The following SLC12A9 variants were observed in gnomAD, a reference collection of about 807,000 sequenced individuals.
The protein encoded by SLC12A9 is solute carrier family 12 member 9.
A neutral mutation model predicts 66.0 loss-of-function variants in SLC12A9; 55 were observed. The observed-to-expected ratio is 0.83, with a 90% CI of 0.67 to 1.04. SLC12A9 has a LOEUF of 1.04. Among genes scored for constraint, SLC12A9 ranks in the 50% least tolerant of loss-of-function variants. SLC12A9 has a pLI of 0.00. For missense variants in SLC12A9, 1,061 were observed against 1,241.9 expected (o/e 0.85, Z 2.19); for synonymous variants, 577 against 569.0 (o/e 1.01, Z -0.20).
Position 100,861,658 on chromosome 7 carries a change from G to A in SLC12A9, c.1536+74G>A, listed in dbSNP as rs1814763316. On this transcript the variant is annotated intron_variant, in intron 11 of 13. Transcript: ENST00000354161. The surrounding 1 kb of genome is among the most constrained non-coding windows in gnomAD (Gnocchi z 5.3). ...CCCCCTCTCTCTTTGGCTGGAGTTG[G>A]TGCTCCCGTCCAGGAGGCGCTGAAC... is the stretch of plus-strand genomic sequence containing the variant. 6.2e-6 allele frequency: 10 copies of A among 1,608,064 alleles called. No homozygotes were observed. The South Asian group carries it at 8.8e-5, about 14-fold the overall frequency.
Position 100,862,804 on chromosome 7 carries a change from A to G in SLC12A9, c.1835A>G (p.His612Arg), listed in dbSNP as rs2116640202. Residue 612 changes from histidine to arginine, a missense_variant, in exon 13 of 14, where the codon CAT (histidine) becomes CGT (arginine). Physicochemically the swap from His to Arg is conservative, Grantham distance 29. Transcript: ENST00000354161. ...LSPSVRQGAQ[H>R]LLRISGLGGM... ...CCCTCCGTGCGCCAGGGGGCTCAGC[A>G]TCTGCTGCGAATCTCCGGCCTCGGT... 6.2e-7 allele frequency: 1 copy of G among 1,614,106 alleles called. No individual in the cohort carries two copies. Among genetic ancestry groups the G allele is most frequent in the Middle Eastern group, 1.7e-4 (1 of 6,060 alleles).
intron 1 of SLC12A9, among the ~76,000 whole-genome samples, chr7:100,840,461 GT>G (rs957384008): frequency 6.6e-6 from 1 of 152,136 alleles, no homozygotes; most frequent in African/African-American, 2.4e-5. Flanking sequence ...ACCCAGACCA[GT>G]TCCCGTACAT....
At chr7:100,832,372 C>T (rs889166485) in intron 1 of SLC12A9, among the ~76,000 whole-genome samples, 20 of 151,932 alleles carry the variant, frequency 1.3e-4, no homozygotes, top group African/African-American at 4.4e-4. Flanking sequence ...AATAGCTGGG[C>T]GTGGTGGCAT....
In SLC12A9 at chr7:100,859,171, G is replaced by A. The variant is rs749362643; in HGVS notation, c.977+10G>A. 3 of 1,612,278 alleles carry A rather than the reference G, an allele frequency of 1.9e-6. No homozygotes were observed. Among genetic ancestry groups the A allele is most frequent in the Non-Finnish European group, 2.5e-6 (3 of 1,178,594 alleles). On this transcript the variant is annotated intron_variant, in intron 7 of 13. Transcript: ENST00000354161. ...GCTTCACTTGTGACAGGTGTCTGGG[G>A]AGGGATGGGGGTGGAGTGTCGAACA...
upstream of SLC12A9, among the ~76,000 whole-genome samples, chr7:100,850,115 T>C (rs1003515845): frequency 4.0e-5 from 6 of 151,606 alleles, no homozygotes; most frequent in African/African-American, 9.7e-5. Context: ...TTAAGTGATC[T>C]GCCTGCCTTG....
At chr7:100,830,163 C>T (rs191121916) in intron 1 of SLC12A9, among the ~76,000 whole-genome samples, 2,769 of 152,032 alleles carry the variant, frequency 0.018, 38 homozygotes, top group Middle Eastern at 0.051. Flanking sequence ...ACCAGCCTGG[C>T]CAACATAGTG....
chr7:100,862,879 A>G (rs747153903), intron 13 of SLC12A9, 52 bp downstream of exon 13: 1 of 1,604,822 alleles, frequency 6.2e-7, no homozygotes, highest in Non-Finnish European at 8.5e-7. Flanking sequence ...GCCACTTCAA[A>G]TCTCCGCTCC....
chr7:100,863,154 TC>T, intron 13 of SLC12A9, among the ~76,000 whole-genome samples: 1 of 144,824 alleles, frequency 6.9e-6, no homozygotes, highest in East Asian at 2.4e-4. Context: ...CTCCTCCACC[TC>T]CCAGGTTCAA....
intron 1 of SLC12A9, among the ~76,000 whole-genome samples, chr7:100,843,740 T>G (rs937472519): frequency 2.6e-5 from 4 of 152,180 alleles, no homozygotes; most frequent in Non-Finnish European, 5.9e-5. Flanking sequence ...ACCTCATTGG[T>G]TACAAATGCT....
rs1183621373 is a variant in SLC12A9 at position 100,861,064 on chromosome 7, C to G, written c.1219-74C>G. 6.2e-7 allele frequency: 1 copy of G among 1,610,494 alleles called. No homozygotes were observed. Among genetic ancestry groups the G allele is most frequent in the African/African-American group, 1.3e-5 (1 of 74,700 alleles). ...TGACACTTTGGGGTACACTGGCATT[C>G]TTTGGTGTTCACTGGCATTTTGGGG... On this transcript the variant is annotated intron_variant, in intron 9 of 13. Transcript: ENST00000354161. The surrounding 1 kb of genome is among the most constrained non-coding windows in gnomAD (Gnocchi z 5.3).
At chr7:100,826,880 A>T in exon 1 of SLC12A9, 3 of 1,240,860 alleles carry the variant, frequency 2.4e-6, no homozygotes, top group Non-Finnish European at 3.2e-6. Flanking sequence ...GTGCCCGGGT[A>T]GGGGTAGTCA....
chr7:100,834,119 G>A (rs1250126743), intron 1 of SLC12A9, among the ~76,000 whole-genome samples: 1 of 152,058 alleles, frequency 6.6e-6, no homozygotes. Flanking sequence ...ACAGGATCAC[G>A]CAGGAAGCAC....
At chr7:100,854,457 A>G in intron 2 of SLC12A9, 79 bp downstream of exon 2, 2 of 1,593,388 alleles carry the variant, frequency 1.3e-6, no homozygotes, top group Non-Finnish European at 1.7e-6. Context: ...TGGGACTGGG[A>G]TAAGATTAGG....
intron 1 of SLC12A9, chr7:100,827,497 G>T (rs994524819): frequency 6.6e-6 from 1 of 151,544 alleles, no homozygotes; most frequent in South Asian, 1.9e-4. Flanking sequence ...GGGCCGGGCC[G>T]GGCAGGGGCT....
chr7:100,828,013 G>A (rs1211667900), intron 1 of SLC12A9, among the ~76,000 whole-genome samples: 6 of 152,128 alleles, frequency 3.9e-5, no homozygotes, highest in Non-Finnish European at 5.9e-5. Flanking sequence ...CGTTTTGGGG[G>A]AAAAGGAAGG....
chr7:100,854,452 C>A, intron 2 of SLC12A9, 74 bp downstream of exon 2: 1 of 1,594,382 alleles, frequency 6.3e-7, no homozygotes, highest in South Asian at 1.1e-5. Context: ...GGAGATGGGA[C>A]TGGGATAAGA....
intron 1 of SLC12A9, among the ~76,000 whole-genome samples, chr7:100,828,610 A>G (rs76735686): frequency 0.016 from 2,421 of 149,872 alleles, 59 homozygotes; most frequent in African/African-American, 0.057. Flanking sequence ...GGGTCCGGCT[A>G]GATCTCCAAA....
At chr7:100,847,048 C>T (rs1376478220) in intron 1 of SLC12A9, among the ~76,000 whole-genome samples, 1 of 152,050 alleles carries the variant, frequency 6.6e-6, no homozygotes, top group Non-Finnish European at 1.5e-5. Context: ...GTTGTGAGCC[C>T]TTAAAAAAGA....
chr7:100,859,205 GCACCTGGGTC>G, intron 7 of SLC12A9, 44 bp downstream of exon 7: 1 of 1,569,302 alleles, frequency 6.4e-7, no homozygotes, highest in Non-Finnish European at 8.8e-7. Context: ...CAAGATTGGT[GCACCTGGGTC>G]ACCAAGGGGA....
Sources: allele counts gnomAD v4.1 joint callset (sites outside exome capture counted in the v4.1 genomes callset), GRCh38; gene constraint gnomAD v4.1.1; non-coding constraint Gnocchi (gnomAD v3.1); transcripts MANE v1.5; gene names NCBI Gene and HGNC (gene_info 2026-07-23, HGNC 2026-07-21).